NAALADL2: variants seen among roughly 807,000 people sequenced by gnomAD.
NAALADL2 encodes inactive N-acetylated-alpha-linked acidic dipeptidase-like protein 2.
NAALADL2 carries 76 observed loss-of-function variants against 87.2 expected under a neutral mutation model. The ratio of observed to expected loss-of-function variants is 0.87; its 90% CI spans 0.72 to 1.05. The LOEUF (loss-of-function observed/expected upper bound fraction) is 1.05. NAALADL2 is among the 50% of genes least tolerant of loss of function. The pLI, the probability that NAALADL2 is intolerant of heterozygous loss-of-function variation, is 0.00. For synonymous variants in NAALADL2, 354 were observed against 331.0 expected, an observed-to-expected ratio of 1.07 and a Z score of -0.75; for missense variants, 1,089 against 945.8, an observed-to-expected ratio of 1.15 and a Z score of -1.99.
chr3:175,299,225 T>C (rs1756735344), intron 4 of NAALADL2, among the ~76,000 whole-genome samples: 1 of 152,176 alleles, frequency 6.6e-6, no homozygotes, highest in Non-Finnish European at 1.5e-5. Context: ...TTTGTTCTTT[T>C]TGCTTAGGAT....
At chr3:175,777,154 TTTG>T (rs1473016787) in intron 13 of NAALADL2, among the ~76,000 whole-genome samples, 1 of 151,820 alleles carries the variant, frequency 6.6e-6, no homozygotes, top group African/African-American at 2.4e-5. Flanking sequence ...AAAGGTCTAT[TTTG>T]TTGTTTCTTT....
At chr3:175,508,792 A>G (rs919647009) in intron 9 of NAALADL2, among the ~76,000 whole-genome samples, 1 of 152,012 alleles carries the variant, frequency 6.6e-6, no homozygotes, top group Admixed American at 6.6e-5. Context: ...TCATTTTGAA[A>G]GTTTTTTGAA....
At chr3:175,038,633 C>G (rs977860057) in intron 1 of NAALADL2, among the ~76,000 whole-genome samples, 20 of 152,118 alleles carry the variant, frequency 1.3e-4, no homozygotes, top group Non-Finnish European at 8.8e-5. Context: ...TCTTAATGAA[C>G]TTTACATCAA....
At chr3:175,352,278 G>A (rs377581993) in intron 5 of NAALADL2, among the ~76,000 whole-genome samples, 1 of 151,924 alleles carries the variant, frequency 6.6e-6, no homozygotes, top group Non-Finnish European at 1.5e-5. Context: ...TTTCTTCACA[G>A]CTTGCCCATA....
At chr3:175,187,690 T>G (rs1260757427) in intron 2 of NAALADL2, among the ~76,000 whole-genome samples, 1 of 152,160 alleles carries the variant, frequency 6.6e-6, no homozygotes, top group Non-Finnish European at 1.5e-5. Context: ...GTATAAGTAA[T>G]TAATCTTGGT....
chr3:175,313,307 C>T (rs1758620920), intron 4 of NAALADL2, among the ~76,000 whole-genome samples: 1 of 151,848 alleles, frequency 6.6e-6, no homozygotes, highest in African/African-American at 2.4e-5. Flanking sequence ...CAATTCAGTC[C>T]ATAACAGTGA....
chr3:175,206,943 T>G (rs1741025574), intron 2 of NAALADL2, among the ~76,000 whole-genome samples: 1 of 151,982 alleles, frequency 6.6e-6, no homozygotes, highest in Middle Eastern at 3.2e-3. Flanking sequence ...AGTGGTAAAA[T>G]GAAGAGAAAG....
intron 1 of NAALADL2, among the ~76,000 whole-genome samples, chr3:174,977,828 T>C (rs1177056420): frequency 1.3e-5 from 2 of 152,176 alleles, no homozygotes; most frequent in Non-Finnish European, 2.9e-5. Context: ...ACAGAATATG[T>C]GCCAGCTCTA....
chr3:174,465,704 A>G (rs1210412839), intron 1 of NAALADL2, among the ~76,000 whole-genome samples: 1 of 152,076 alleles, frequency 6.6e-6, no homozygotes, highest in Non-Finnish European at 1.5e-5. Flanking sequence ...AAATATATTA[A>G]TCTTCTATTT....
intron 1 of NAALADL2, among the ~76,000 whole-genome samples, chr3:174,926,730 G>A (rs1441590871): frequency 6.6e-6 from 1 of 152,026 alleles, no homozygotes; most frequent in Non-Finnish European, 1.5e-5. Context: ...AGGAACAACT[G>A]GTTCCAGCTC....
intron 11 of NAALADL2, among the ~76,000 whole-genome samples, chr3:175,656,106 C>T (rs943333052): frequency 3.3e-5 from 5 of 152,148 alleles, no homozygotes; most frequent in African/African-American, 9.7e-5. Context: ...AAATGCCAAA[C>T]TTAAGTCTAG....
intron 13 of NAALADL2, among the ~76,000 whole-genome samples, chr3:175,767,871 G>T (rs1486593930): frequency 6.6e-6 from 1 of 152,152 alleles, no homozygotes; most frequent in Non-Finnish European, 1.5e-5. Flanking sequence ...CTGTTTATCT[G>T]CCTGAAACCG....
chr3:174,952,384 A>G (rs549352090), intron 1 of NAALADL2, among the ~76,000 whole-genome samples: 1 of 152,222 alleles, frequency 6.6e-6, no homozygotes, highest in Admixed American at 6.5e-5. Flanking sequence ...CTGCAGCTCA[A>G]ATCAATTGCT....
At chr3:175,396,108 C>T (rs1207821935) in intron 5 of NAALADL2, among the ~76,000 whole-genome samples, 2 of 152,022 alleles carry the variant, frequency 1.3e-5, no homozygotes, top group Non-Finnish European at 2.9e-5. Context: ...AAAATAAAAC[C>T]CATATATGTG....
chr3:175,311,530 G>A (rs73047245), intron 4 of NAALADL2, among the ~76,000 whole-genome samples: 266 of 152,116 alleles, frequency 1.7e-3, no homozygotes, highest in African/African-American at 6.2e-3. Context: ...AGGCCACAAT[G>A]GGAAATTAGT....
At chr3:175,590,981 G>A (rs1721365986) in intron 10 of NAALADL2, among the ~76,000 whole-genome samples, 1 of 151,744 alleles carries the variant, frequency 6.6e-6, no homozygotes. Flanking sequence ...TAGTGGGCAT[G>A]CCACCCCTTC....
intron 1 of NAALADL2, among the ~76,000 whole-genome samples, chr3:174,509,524 C>G (rs1469525763): frequency 1.3e-5 from 2 of 149,124 alleles, no homozygotes; most frequent in African/African-American, 4.9e-5. Context: ...GCCTCAGCCT[C>G]CTAAGTAACT....
intron 5 of NAALADL2, among the ~76,000 whole-genome samples, chr3:175,358,120 A>T (rs59685462): frequency 0.05 from 7,573 of 152,236 alleles, 298 homozygotes; most frequent in African/African-American, 0.11. Flanking sequence ...GGTTTTCATA[A>T]AGTTCATAGA....
At chr3:175,653,825 T>G (rs979564444) in intron 11 of NAALADL2, among the ~76,000 whole-genome samples, 2 of 152,202 alleles carry the variant, frequency 1.3e-5, no homozygotes, top group South Asian at 2.1e-4. Flanking sequence ...CTTAAAATTT[T>G]GTAAGACTCC....
Sources: allele counts gnomAD v4.1 joint callset (sites outside exome capture counted in the v4.1 genomes callset), GRCh38; gene constraint gnomAD v4.1.1; transcripts MANE v1.5; gene names NCBI Gene and HGNC (gene_info 2026-07-23, HGNC 2026-07-21).